Variants in ORC6 observed in about 807,000 individuals in gnomAD.
ORC6 encodes the protein origin recognition complex, subunit 6 homolog-like (yeast).
Under a neutral mutation model 30.0 loss-of-function variants are expected in ORC6, and 31 were observed. That is an observed-to-expected ratio of 1.03 (90% CI 0.78 to 1.40). The LOEUF is 1.40. Among genes scored for constraint, ORC6 ranks in the 40% most tolerant of loss-of-function variants. The probability of loss-of-function intolerance (pLI) is 0.00; values close to 1 mark genes in which losing one functional copy is unlikely to be tolerated. For missense variants in ORC6, 340 were observed against 304.3 expected (o/e 1.12, Z -0.87); for synonymous variants, 136 against 111.2 (o/e 1.22, Z -1.40).
chr16:46,697,450 T>C lies in ORC6; in HGVS notation c.632-8T>C, dbSNP rs1381352473. 2.5e-6 allele frequency: 4 copies of C among 1,610,738 alleles called. No individual in the cohort carries two copies. Among genetic ancestry groups the C allele is most frequent in the Admixed American group, 1.7e-5 (1 of 59,852 alleles). ...ATTTTGAAATTGCTTTTGATAATTT[T>C]CTGTCAGAAATGGAGAAGGTAGAGG... On this transcript the variant is annotated splice_polypyrimidine_tract_variant and splice_region_variant and intron_variant, in intron 6 of 6. Coordinates refer to ENST00000219097, the MANE Select transcript of ORC6 (RefSeq NM_014321.4).
In ORC6 at chr16:46,694,670, A is replaced by G. The variant is rs1966500416; in HGVS notation, c.450-892A>G. ...CCCCCACAACACTGTCTCTTAAAAA[A>G]AAAACAAAACACTGGCTACAACTGT... On this transcript the variant is annotated intron_variant, in intron 4 of 6. Transcript: ENST00000219097. 8.6e-5 allele frequency among the ~76,000 whole-genome samples: 13 copies of G among 152,018 alleles called. 2 individuals carry two copies. In the South Asian group the frequency reaches 2.7e-3, roughly 32 times the overall value.
chr16:46,692,374 T>A lies in ORC6; in HGVS notation c.196-8T>A. 2 of 1,611,012 alleles carry A rather than the reference T, an allele frequency of 1.2e-6. No homozygotes were observed. The highest frequency in any genetic ancestry group is 1.7e-6 in the Non-Finnish European group (2 of 1,177,526). ...TTATGATTTGTGTATGTGTTTTTCC[T>A]TTCACAGGCTTATTTAATTAAACTT... On this transcript the variant is annotated splice_polypyrimidine_tract_variant and splice_region_variant and intron_variant, in intron 2 of 6. Coordinates refer to ENST00000219097, the MANE Select transcript of ORC6 (RefSeq NM_014321.4).
rs1300665623 is a variant in ORC6 at position 46,690,978 on chromosome 16, C to T, written c.66-13C>T. 6.2e-7 allele frequency: 1 copy of T among 1,614,032 alleles called. No individual in the cohort carries two copies. Among genetic ancestry groups the T allele is most frequent in the East Asian group, 2.2e-5 (1 of 44,882 alleles). Reference sequence around the variant, plus strand: ...TGAATAAGTTGTAGCGAACACACTGCCCTTTTAACCAGGAAAGCAGAGGAG... The same window carrying T: ...TGAATAAGTTGTAGCGAACACACTGTCCTTTTAACCAGGAAAGCAGAGGAG... On this transcript the variant is annotated splice_polypyrimidine_tract_variant and intron_variant, in intron 1 of 6. Transcript: ENST00000219097.
intron 5 of ORC6, 163 bp downstream of exon 5, chr16:46,695,837 T>TC: frequency 1.3e-6 from 1 of 749,654 alleles, no homozygotes; most frequent in Non-Finnish European, 2.4e-6. Context: ...ATTCCATGAA[T>TC]CTATGCCTGG....
At chr16:46,695,921 C>A in intron 5 of ORC6, 96 bp from the exon 6 acceptor site, 1 of 906,200 alleles carries the variant, frequency 1.1e-6, no homozygotes, top group Admixed American at 1.8e-5. Context: ...CATATTTGAT[C>A]AGTTAAGATG....
At chr16:46,693,462 A>G in intron 4 of ORC6, 1 of 502,582 alleles carries the variant, frequency 2.0e-6, no homozygotes, top group African/African-American at 1.9e-5. Context: ...GATATCTGTC[A>G]TTAAAACAGT....
In ORC6 at chr16:46,697,804, T is replaced by C. The variant is rs2143011209; in HGVS notation, c.*219T>C. The C allele has an allele frequency of 1.5e-6, 1 of 646,910 alleles. No individual in the cohort carries two copies. The highest frequency in any genetic ancestry group is 3.1e-5 in the East Asian group (1 of 32,036). 40.1% of individuals were successfully genotyped at this position (646,910 alleles called of 1,614,324 possible). ...CCACAGTGCCTGATTGGTATAGCCT[T>C]ATGTGCTTTCCTACAAAATGGAATT... On this transcript the variant is annotated 3_prime_UTR_variant, in exon 7 of 7. Transcript: ENST00000219097.
chr16:46,696,496 T>C (rs1396085050), intron 6 of ORC6, among the ~76,000 whole-genome samples: 1 of 152,104 alleles, frequency 6.6e-6, no homozygotes, highest in Non-Finnish European at 1.5e-5. Flanking sequence ...GAGGTTCTTT[T>C]CCCCCGACAA....
intron 1 of ORC6, 141 bp from the exon 2 acceptor site, chr16:46,690,850 T>G (rs1419176811): frequency 6.2e-6 from 5 of 806,166 alleles, no homozygotes; most frequent in Non-Finnish European, 1.1e-5. Flanking sequence ...CCAGAGGATA[T>G]GACCTTCATT....
chr16:46,693,483 G>A (rs527377157), intron 4 of ORC6: 5 of 446,440 alleles, frequency 1.1e-5, no homozygotes, highest in South Asian at 2.3e-5. Flanking sequence ...CTTCACATGT[G>A]ATTTTTCTGC....
intron 6 of ORC6, 78 bp downstream of exon 6, chr16:46,696,163 A>G: frequency 2.1e-6 from 2 of 974,600 alleles, no homozygotes; most frequent in South Asian, 2.6e-5. Flanking sequence ...AGCTTGCCTG[A>G]CAGGAGTCCA....
intron 3 of ORC6, 68 bp downstream of exon 3, chr16:46,692,613 T>C (rs1008781237): frequency 7.1e-7 from 1 of 1,408,560 alleles, no homozygotes; most frequent in African/African-American, 1.4e-5. Context: ...CTCACGCCTG[T>C]AATCCCAGCA....
Position 46,689,737 on chromosome 16 carries a change from C to G in ORC6, c.32C>G (p.Pro11Arg), listed in dbSNP as rs757562073. 6.2e-6 allele frequency: 10 copies of G among 1,601,936 alleles called. No homozygotes were observed. The highest frequency in any genetic ancestry group is 5.1e-5 in the Admixed American group (3 of 58,670). Residue 11 changes from proline to arginine, a missense_variant, in exon 1 of 7, where the codon CCG (proline) becomes CGG (arginine). Transcript: ENST00000219097. Reference sequence around the variant, plus strand: ...TCGGAGCTGATCGGGCGCCTAGCCCCGCGCCTGGGCCTCGCCGAGCCCGAC... The same window carrying G: ...TCGGAGCTGATCGGGCGCCTAGCCCGGCGCCTGGGCCTCGCCGAGCCCGAC... MGSELIGRLAPRLGLAEPDML... is the reference protein window; with the variant it reads MGSELIGRLARRLGLAEPDML...
At chr16:46,691,932 G>GCACACACACA (rs34549741) in intron 2 of ORC6, among the ~76,000 whole-genome samples, 11 of 59,264 alleles carry the variant, frequency 1.9e-4, no homozygotes, top group Middle Eastern at 0.014. Flanking sequence ...TTTCTCTCCT[G>GCACACACACA]CACACACACA....
At chr16:46,691,534 A>G (rs1404552644) in intron 2 of ORC6, among the ~76,000 whole-genome samples, 1 of 152,206 alleles carries the variant, frequency 6.6e-6, no homozygotes, top group Non-Finnish European at 1.5e-5. Context: ...CTCATCCATA[A>G]AGTGAAGATA....
chr16:46,697,792 T>C lies in ORC6; in HGVS notation c.*207T>C, dbSNP rs544589789. The C allele has an allele frequency of 1.3e-5, 9 of 668,722 alleles. No individual in the cohort carries two copies. Among genetic ancestry groups the C allele is most frequent in the Non-Finnish European group, 2.5e-5 (9 of 365,686 alleles). 41.4% of individuals were successfully genotyped at this position (668,722 alleles called of 1,614,324 possible). ...GCATTAGACCAGCCACAGTGCCTGA[T>C]TGGTATAGCCTTATGTGCTTTCCTA... On this transcript the variant is annotated 3_prime_UTR_variant, in exon 7 of 7. Coordinates refer to ENST00000219097, the MANE Select transcript of ORC6 (RefSeq NM_014321.4).
Position 46,692,423 on chromosome 16 carries a change from T to A in ORC6, c.237T>A (p.Tyr79Ter), listed in dbSNP as rs748032792. ...TTTCTGGTTTGAACAAGGAGACATA[T>A]CAGAGCTGTCTTAAATCTTTTGAGT... The part of the protein sequence containing the change: ...IKLSGLNKET[Y>*]QSCLKSFECL... Residue 79 changes from tyrosine (Y) to a stop codon, truncating the protein, a stop_gained, in exon 3 of 7, where the codon TAT (tyrosine) becomes TAA (stop). Transcript: ENST00000219097. LOFTEE classifies it high-confidence loss of function. The A allele has an allele frequency of 6.8e-6, 11 of 1,613,818 alleles. No homozygotes were observed.
intron 5 of ORC6, 61 bp from the exon 6 acceptor site, chr16:46,695,956 C>A: frequency 8.2e-7 from 1 of 1,216,064 alleles, no homozygotes; most frequent in Non-Finnish European, 1.2e-6. Flanking sequence ...TGATCCAAAA[C>A]ATGCCCAAAT....
rs1362690145 is a variant in ORC6, at chr16:46,698,023, G to A, written c.*438G>A. ...CCAGCTCCTCAGTAGGCTGAGACAG[G>A]AGCATCACTTGAACGTGGGAGGCAG... On this transcript the variant is annotated 3_prime_UTR_variant, in exon 7 of 7. Coordinates refer to ENST00000219097, the MANE Select transcript of ORC6 (RefSeq NM_014321.4). 2.4e-6 allele frequency: 1 copy of A among 411,242 alleles called. No homozygotes were observed. Among genetic ancestry groups the A allele is most frequent in the Non-Finnish European group, 4.9e-6 (1 of 202,912 alleles). The allele number at this position is 411,242 out of a possible 1,614,324, so 25.5% of individuals were successfully genotyped here. A position where few individuals can be genotyped will look rare whatever the true frequency, so the allele number is the denominator to read the frequency against.
Sources: gnomAD v4.1 joint callset for allele counts (sites outside exome capture counted in the v4.1 genomes callset) on GRCh38, gnomAD v4.1.1 for gene constraint, MANE v1.5 for transcripts, NCBI Gene and HGNC (gene_info 2026-07-23, HGNC 2026-07-21) for gene names.